The following TDRD5 variants were observed in gnomAD, a reference collection of about 807,000 sequenced individuals.
TDRD5 encodes the protein tudor domain containing 5, also known as tudor domain-containing protein 5.
A neutral mutation model predicts 120.6 loss-of-function variants in TDRD5; 41 were observed. That is an observed-to-expected ratio of 0.34 (90% confidence interval 0.26 to 0.44). TDRD5 has a LOEUF of 0.44. TDRD5 is among the 20% of genes least tolerant of loss of function. TDRD5 has a pLI of 1.00. For missense variants in TDRD5, 1,006 were observed against 1,221.2 expected, an observed-to-expected ratio of 0.82 and a Z score of 2.63; for synonymous variants, 430 against 433.7, an observed-to-expected ratio of 0.99 and a Z score of 0.11.
chr1:179,628,145 C>T (rs894953133), intron 6 of TDRD5, among the ~76,000 whole-genome samples: 1 of 151,962 alleles, frequency 6.6e-6, no homozygotes, highest in Admixed American at 6.6e-5. Flanking sequence ...AGTGTTTGTA[C>T]TGCAAGATTG....
chr1:179,656,390 A>T (rs1378359440), intron 14 of TDRD5, among the ~76,000 whole-genome samples: 2 of 152,130 alleles, frequency 1.3e-5, no homozygotes, highest in East Asian at 3.9e-4. Context: ...TTGTCTTTTC[A>T]TTCTCTTGAT....
At chr1:179,659,232 T>C (rs1679157795) in intron 14 of TDRD5, among the ~76,000 whole-genome samples, 1 of 152,226 alleles carries the variant, frequency 6.6e-6, no homozygotes, top group Non-Finnish European at 1.5e-5. Flanking sequence ...TGGTGGAGTT[T>C]CTATAAATGT....
intron 1 of TDRD5, 46 bp from the exon 2 acceptor site, chr1:179,592,556 T>A: frequency 2.0e-6 from 3 of 1,476,764 alleles, no homozygotes; most frequent in Non-Finnish European, 2.8e-6. Context: ...TTAAATCTTT[T>A]TTCGTGGGTT....
chr1:179,592,574 T>G, intron 1 of TDRD5, 28 bp from the exon 2 acceptor site: 1 of 1,580,510 alleles, frequency 6.3e-7, no homozygotes, highest in East Asian at 2.2e-5. Flanking sequence ...GTTTGCCCCC[T>G]TTTCCTCAGC....
intron 17 of TDRD5, among the ~76,000 whole-genome samples, chr1:179,675,284 T>TTA: frequency 7.8e-6 from 1 of 128,118 alleles, no homozygotes; most frequent in South Asian, 2.7e-4. Flanking sequence ...TTTTTTTTTT[T>TTA]TTTTTTTTTT....
chr1:179,628,500 C>T (rs1677263001), intron 6 of TDRD5, among the ~76,000 whole-genome samples: 1 of 149,110 alleles, frequency 6.7e-6, no homozygotes, highest in Non-Finnish European at 1.5e-5. Context: ...GAGGCAGAGT[C>T]TCATTATATT....
chr1:179,664,288 C>CT lies in TDRD5; in HGVS notation c.2649+806dup, dbSNP rs201768771. 8.1e-3 allele frequency among the ~76,000 whole-genome samples: 1,226 copies of CT among 151,050 alleles called. 14 individuals carry two copies. The highest frequency in any genetic ancestry group is 0.028 in the African/African-American group (1,168 of 41,258). On this transcript the variant is annotated intron_variant, in intron 16 of 17. Coordinates refer to ENST00000444136, the MANE Select transcript of TDRD5 (RefSeq NM_001199085.3). The stretch of plus-strand genomic sequence containing the variant: ...GGCTTTTATATTTTGTTTCTCTTGT[C>CT]TTTTTTTTTAAATACAGCTTTATTG...
chr1:179,619,091 G>C (rs4443850), intron 5 of TDRD5, among the ~76,000 whole-genome samples: 1 of 151,936 alleles, frequency 6.6e-6, no homozygotes, highest in African/African-American at 2.4e-5. Context: ...ATCTTTGACT[G>C]TGGAAAAAGT....
intron 4 of TDRD5, among the ~76,000 whole-genome samples, chr1:179,612,631 A>G (rs1398106550): frequency 6.6e-6 from 1 of 152,110 alleles, no homozygotes; most frequent in Non-Finnish European, 1.5e-5. Flanking sequence ...TAGTCTTAAT[A>G]CCATTTAAGA....
chr1:179,621,346 G>A (rs1572356463), intron 6 of TDRD5, among the ~76,000 whole-genome samples: 1 of 152,040 alleles, frequency 6.6e-6, no homozygotes, highest in Non-Finnish European at 1.5e-5. Flanking sequence ...ATGTTTGACA[G>A]TGTTATACCA....
intron 17 of TDRD5, among the ~76,000 whole-genome samples, chr1:179,680,487 C>T (rs2147805904): frequency 6.6e-6 from 1 of 152,234 alleles, no homozygotes; most frequent in East Asian, 1.9e-4. Context: ...GGTTGTTATG[C>T]TCTCTGGATG....
chr1:179,690,910 C>T lies in TDRD5; in HGVS notation c.3075C>T (p.His1025=). The T allele has an allele frequency of 6.2e-7, 1 of 1,613,666 alleles. No homozygotes were observed. Among genetic ancestry groups the T allele is most frequent in the Non-Finnish European group, 8.5e-7 (1 of 1,179,894 alleles). Residue 1025 remains histidine (H), a synonymous_variant, in exon 18 of 18, where the codon CAC becomes CAT. Transcript: ENST00000444136. The part of the protein sequence containing the change: ...ARLATSRSLL[H]WYPSVKRMEA ...TAGCTACATCCAGGAGCCTCCTACA[C>T]TGGTACCCCAGTGTGAAAAGGATGG...
At chr1:179,659,099 G>C (rs1244314725) in intron 14 of TDRD5, among the ~76,000 whole-genome samples, 2 of 152,122 alleles carry the variant, frequency 1.3e-5, no homozygotes, top group Admixed American at 1.3e-4. Context: ...AGTATAGTAT[G>C]GTCTTAGAAC....
rs549249813 is a variant in TDRD5 at position 179,611,901 on chromosome 1, G to A, written c.832-6698G>A. 2.6e-4 allele frequency among the ~76,000 whole-genome samples: 40 copies of A among 152,264 alleles called. No homozygotes were observed. The South Asian group carries it at 5.2e-3, about 20-fold the overall frequency. ...GAACAATTTAAATCTTGTTCTGAGA[G>A]GGGGTGTGGGTTCTAATTCCCAAAC... On this transcript the variant is annotated intron_variant, in intron 4 of 17. Coordinates refer to ENST00000444136, the MANE Select transcript of TDRD5 (RefSeq NM_001199085.3).
At chr1:179,598,387 GT>G (rs1335887315) in intron 4 of TDRD5, among the ~76,000 whole-genome samples, 1 of 152,194 alleles carries the variant, frequency 6.6e-6, no homozygotes, top group Non-Finnish European at 1.5e-5. Context: ...CAACTTGTCA[GT>G]TTCTGCCAGA....
chr1:179,640,329 T>C, intron 10 of TDRD5, 50 bp from the exon 11 acceptor site: 1 of 1,599,138 alleles, frequency 6.3e-7, no homozygotes, highest in Non-Finnish European at 8.6e-7. Flanking sequence ...AAGAGGTGCA[T>C]TTATATATAG....
chr1:179,600,942 G>A (rs1675670415), intron 4 of TDRD5, among the ~76,000 whole-genome samples: 1 of 151,954 alleles, frequency 6.6e-6, no homozygotes, highest in Non-Finnish European at 1.5e-5. Flanking sequence ...TTTCAGAGAT[G>A]TTTCTGTTCG....
At position 179,686,619 on chromosome 1, in the gene TDRD5, A is replaced by G. The variant is rs995078895; in HGVS notation, c.2861-4077A>G. Among the ~76,000 whole-genome samples, 4 of 152,216 alleles carry G rather than the reference A, an allele frequency of 2.6e-5. No individual in the cohort carries two copies. The East Asian group carries it at 7.7e-4, about 29-fold the overall frequency. On this transcript the variant is annotated intron_variant, in intron 17 of 17. Coordinates refer to ENST00000444136, the MANE Select transcript of TDRD5 (RefSeq NM_001199085.3). The stretch of plus-strand genomic sequence containing the variant: ...TTGAAATAGTTTCAGAAGGAATGGT[A>G]CCAGCTCCTCTTTGTACCTCTGGTA...
rs116034105 is a variant in TDRD5, at chr1:179,651,518, A to T, written c.2001+451A>T. 6.5e-3 allele frequency among the ~76,000 whole-genome samples: 992 copies of T among 151,514 alleles called. 8 individuals carry two copies. The highest frequency in any genetic ancestry group is 0.022 in the African/African-American group (899 of 41,306). On this transcript the variant is annotated intron_variant, in intron 12 of 17. Transcript: ENST00000444136. Reference sequence around the variant, plus strand: ...TGAAACTGTCCTAGAGAAGAATAACACTCCTATTTTGCAATTATTGATAGT... The same window carrying T: ...TGAAACTGTCCTAGAGAAGAATAACTCTCCTATTTTGCAATTATTGATAGT...
Sources: allele counts gnomAD v4.1 joint callset (sites outside exome capture counted in the v4.1 genomes callset), GRCh38; gene constraint gnomAD v4.1.1; transcripts MANE v1.5; gene names NCBI Gene and HGNC (gene_info 2026-07-23, HGNC 2026-07-21).